The following MCAM variants were observed in gnomAD, a reference collection of about 807,000 sequenced individuals.
The protein encoded by MCAM is melanoma cell adhesion molecule.
In MCAM, 55 loss-of-function variants were observed where a neutral mutation model predicts 79.1. The observed-to-expected ratio is 0.70, with a 90% confidence interval of 0.56 to 0.87. The LOEUF (loss-of-function observed/expected upper bound fraction) is 0.87, where lower values mean the gene tolerates loss of function less well. Ranked by LOEUF, MCAM falls within the 40% of genes least tolerant of loss-of-function variation. MCAM has a pLI of 0.00. For synonymous variants in MCAM, 330 were observed against 339.8 expected, an observed-to-expected ratio of 0.97 and a Z score of 0.32; for missense variants, 745 against 839.8, an observed-to-expected ratio of 0.89 and a Z score of 1.40.
chr11:119,309,752 C>T lies in MCAM; in HGVS notation c.*134G>A, dbSNP rs1329370473. ...GGTCCTCAGGTCCTAACCCAGTGGC[C>T]CTCTGAAAGGGGGTGTGCAGGCGAG... is the stretch of plus-strand genomic sequence containing the variant. On this transcript the variant is annotated 3_prime_UTR_variant, in exon 16 of 16. Transcript: ENST00000264036. The T allele has an allele frequency of 2.2e-6, 2 of 917,182 alleles. No individual in the cohort carries two copies. Among genetic ancestry groups the T allele is most frequent in the Non-Finnish European group, 3.4e-6 (2 of 586,280 alleles). The allele number at this position is 917,182 out of a possible 1,614,324, so 56.8% of individuals were successfully genotyped here.
chr11:119,309,783 C>T lies in MCAM; in HGVS notation c.*103G>A. Reference sequence around the variant, plus strand: ...AAAGGGGGTGTGCAGGCGAGGGGAGCAGGAGGCTTCTCTCTAGTCCCTTTG... The same window carrying T: ...AAAGGGGGTGTGCAGGCGAGGGGAGTAGGAGGCTTCTCTCTAGTCCCTTTG... On this transcript the variant is annotated 3_prime_UTR_variant, in exon 16 of 16. Coordinates refer to ENST00000264036, the MANE Select transcript of MCAM (RefSeq NM_006500.3). 8.2e-7 allele frequency: 1 copy of T among 1,215,200 alleles called. No homozygotes were observed. The highest frequency in any genetic ancestry group is 1.2e-6 in the Non-Finnish European group (1 of 842,634). 75.3% of individuals were successfully genotyped at this position (1,215,200 alleles called of 1,614,324 possible).
Position 119,311,895 on chromosome 11 carries a change from C to G in MCAM, c.1198G>C (p.Glu400Gln). The change falls in exon 10 of 16, where the codon GAG (glutamate) becomes CAG (glutamine). Residue 400 changes from glutamate to glutamine, a missense_variant. Physicochemically the swap from Glu to Gln is conservative, Grantham distance 29. Transcript: ENST00000264036. This position sits in a 1 kb window ranked among gnomAD's most constrained non-coding sequence, Gnocchi z 4.4. ...ACGCAGCGATAGCCGCCTCCTGCCT[C>G]CCGTTTCAGGTCATGCAACTGAAGC... ...PVLQLHDLKR[E>Q]AGGGYRCVAS... 6.2e-7 allele frequency: 1 copy of G among 1,614,110 alleles called. No individual in the cohort carries two copies. The highest frequency in any genetic ancestry group is 8.5e-7 in the Non-Finnish European group (1 of 1,180,016).
chr11:119,310,691 C>G, intron 14 of MCAM, 65 bp downstream of exon 14: 2 of 1,553,520 alleles, frequency 1.3e-6, no homozygotes, highest in South Asian at 2.4e-5. Context: ...GGCAGGCGGG[C>G]GCTGGGCAGG....
chr11:119,310,785 C>T lies in MCAM; in HGVS notation c.1764G>A (p.Leu588=), dbSNP rs752222625. ...VLYFLYKKGK[L]PCRRSGKQEI... is the part of the protein sequence containing the mutation. The stretch of plus-strand genomic sequence containing the variant: ...CCTGCTTCCCTGAGCGCCTGCACGG[C>T]AGCTTGCCCTTCTTATAGAGGAAAT... The change falls in exon 14 of 16, where the codon CTG becomes CTA. Residue 588 remains leucine, a synonymous_variant. Coordinates refer to ENST00000264036, the MANE Select transcript of MCAM (RefSeq NM_006500.3). The T allele has an allele frequency of 6.2e-7, 1 of 1,614,108 alleles. No individual in the cohort carries two copies. Among genetic ancestry groups the T allele is most frequent in the Non-Finnish European group, 8.5e-7 (1 of 1,180,026 alleles).
In MCAM at chr11:119,309,079, C is replaced by T. The variant is rs1053135575; in HGVS notation, c.*807G>A. The T allele has an allele frequency of 2.0e-4, 30 of 152,246 alleles. No individual in the cohort carries two copies. Among genetic ancestry groups the T allele is most frequent in the Admixed American group, 1.8e-3 (27 of 15,304 alleles). The allele number at this position is 152,246 out of a possible 1,614,324, so 9.4% of individuals were successfully genotyped here. A position where few individuals can be genotyped will look rare whatever the true frequency, so the allele number is the denominator to read the frequency against. The stretch of plus-strand genomic sequence containing the variant: ...CTCCACCTCCTGGATTCATACCATT[C>T]TCCTGCTTCAGCCTTCCGAGTAGCT... On this transcript the variant is annotated 3_prime_UTR_variant, in exon 16 of 16. Transcript: ENST00000264036.
rs943859566 is a variant in MCAM, at chr11:119,316,263, G to A, written c.67+772C>T. The stretch of plus-strand genomic sequence containing the variant: ...CGGACAGCGGCTGGGACGGCGGAAT[G>A]GGAGCCAAGAGAAACACGCGACACC... On this transcript the variant is annotated intron_variant, in intron 1 of 15. Coordinates refer to ENST00000264036, the MANE Select transcript of MCAM (RefSeq NM_006500.3). This position sits in a 1 kb window ranked among gnomAD's most constrained non-coding sequence, Gnocchi z 4.8. 6.6e-6 allele frequency: 1 copy of A among 152,304 alleles called. No homozygotes were observed. The highest frequency in any genetic ancestry group is 2.4e-5 in the African/African-American group (1 of 41,468). 9.4% of individuals were successfully genotyped at this position (152,304 alleles called of 1,614,324 possible). A position where few individuals can be genotyped will look rare whatever the true frequency, so the allele number is the denominator to read the frequency against.
At chr11:119,310,970 C>G in intron 13 of MCAM, 67 bp from the exon 14 acceptor site, 1 of 1,613,748 alleles carries the variant, frequency 6.2e-7, no homozygotes, top group South Asian at 1.1e-5. Flanking sequence ...GTTGGCCCAG[C>G]CAGTCCAGGG....
chr11:119,316,347 G>A lies in MCAM; in HGVS notation c.67+688C>T, dbSNP rs1354725544. Among the ~76,000 whole-genome samples, 1 of 152,212 alleles carries A rather than the reference G, an allele frequency of 6.6e-6. No individual in the cohort carries two copies. The highest frequency in any genetic ancestry group is 1.5e-5 in the Non-Finnish European group (1 of 68,024). The stretch of plus-strand genomic sequence containing the variant: ...GAGCGCCCTGCTACCAGGCGGATCC[G>A]GAGAAACGCTCCGAGGTGCCCGGGC... On this transcript the variant is annotated intron_variant, in intron 1 of 15. Coordinates refer to ENST00000264036, the MANE Select transcript of MCAM (RefSeq NM_006500.3). The surrounding 1 kb of genome is among the most constrained non-coding windows in gnomAD (Gnocchi z 4.8).
In MCAM at chr11:119,312,442, G is replaced by C; in HGVS notation, c.862-14C>G. On this transcript the variant is annotated splice_polypyrimidine_tract_variant and intron_variant, in intron 7 of 15. Coordinates refer to ENST00000264036, the MANE Select transcript of MCAM (RefSeq NM_006500.3). The surrounding 1 kb of genome is among the most constrained non-coding windows in gnomAD (Gnocchi z 4.9). ...GGTGCTGGGGTTCTAGGGAGGATTG[G>C]GGAGGTGAGCAGAGTGCACCTCCCG... 1 of 1,613,384 alleles carries C rather than the reference G, an allele frequency of 6.2e-7. No homozygotes were observed. The highest frequency in any genetic ancestry group is 1.1e-5 in the South Asian group (1 of 91,042).
At chr11:119,310,980 G>A (rs1444850129) in intron 13 of MCAM, 77 bp from the exon 14 acceptor site, 1 of 1,613,608 alleles carries the variant, frequency 6.2e-7, no homozygotes, top group African/African-American at 1.3e-5. Context: ...CCAGTCCAGG[G>A]CCGACAAGAT....
intron 5 of MCAM, 106 bp from the exon 6 acceptor site, chr11:119,313,055 TC>T (rs775181638): frequency 1.3e-6 from 2 of 1,572,586 alleles, no homozygotes; most frequent in East Asian, 2.3e-5. Context: ...TAGCCCCCTG[TC>T]CCCTGTAGAA....
Position 119,312,402 on chromosome 11 carries a change from T to C in MCAM, c.888A>G (p.Glu296=), listed in dbSNP as rs776509894. ...KQNPSTREAE[E]ETTNDNGVLV... Reference sequence around the variant, plus strand: ...GGACCCCGTTGTCGTTGGTTGTCTCTTCCTCTGCCTCCCTGGTGCTGGGGT... The same window carrying C: ...GGACCCCGTTGTCGTTGGTTGTCTCCTCCTCTGCCTCCCTGGTGCTGGGGT... The change falls in exon 8 of 16, where the codon GAA becomes GAG. Residue 296 remains glutamate (E), a synonymous_variant. Transcript: ENST00000264036. The surrounding 1 kb of genome is among the most constrained non-coding windows in gnomAD (Gnocchi z 4.9). 4.3e-5 allele frequency: 69 copies of C among 1,613,694 alleles called. No individual in the cohort carries two copies. In the East Asian group the frequency reaches 1.5e-3, roughly 35 times the overall value.
Position 119,316,987 on chromosome 11 carries a change from C to T in MCAM, c.67+48G>A, listed in dbSNP as rs750250324. The stretch of plus-strand genomic sequence containing the variant: ...GCTGGCTCTGCTCCCTGGCACGCTC[C>T]ACCGCAGACCCCTAGCCGGGGCGCG... On this transcript the variant is annotated intron_variant, in intron 1 of 15. Transcript: ENST00000264036. This position sits in a 1 kb window ranked among gnomAD's most constrained non-coding sequence, Gnocchi z 4.8. 1 of 1,480,170 alleles carries T rather than the reference C, an allele frequency of 6.8e-7. No individual in the cohort carries two copies. The highest frequency in any genetic ancestry group is 1.2e-5 in the South Asian group (1 of 81,870). The allele number at this position is 1,480,170 out of a possible 1,614,324, so 91.7% of individuals were successfully genotyped here. A position where few individuals can be genotyped will look rare whatever the true frequency, so the allele number is the denominator to read the frequency against.
rs1950308157 is a variant in MCAM, at chr11:119,316,108, C to T, written c.68-845G>A. The T allele has an allele frequency of 6.5e-6, 1 of 152,724 alleles. No homozygotes were observed. Among genetic ancestry groups the T allele is most frequent in the Non-Finnish European group, 1.5e-5 (1 of 68,462 alleles). 9.5% of individuals were successfully genotyped at this position (152,724 alleles called of 1,614,324 possible). ...AGCTGGACCGGCTGCAACTGTGGAGCCCGATTTAGCCCTTTCCCCAGAAAT... is the reference window on the plus strand; with the variant it reads ...AGCTGGACCGGCTGCAACTGTGGAGTCCGATTTAGCCCTTTCCCCAGAAAT... On this transcript the variant is annotated intron_variant, in intron 1 of 15. Transcript: ENST00000264036. The surrounding 1 kb of genome is among the most constrained non-coding windows in gnomAD (Gnocchi z 4.8).
rs200431291 is a variant in MCAM at position 119,310,817 on chromosome 11, C to T, written c.1732G>A (p.Val578Ile). The T allele has an allele frequency of 3.6e-5, 58 of 1,614,196 alleles. No individual in the cohort carries two copies. The highest frequency in any genetic ancestry group is 4.8e-5 in the Non-Finnish European group (57 of 1,180,036). ...CILVLAVLGAVLYFLYKKGKL... is the reference protein window; with the variant it reads ...CILVLAVLGAILYFLYKKGKL... ...CCCTTCTTATAGAGGAAATAGAGGA[C>T]AGCGCCCAGCACCGCCAGGACCAGG... Residue 578 changes from valine (V) to isoleucine (I), a missense_variant, in exon 14 of 16, where the codon GTC becomes ATC. Physicochemically the swap from Val to Ile is conservative, Grantham distance 29. Coordinates refer to ENST00000264036, the MANE Select transcript of MCAM (RefSeq NM_006500.3).
chr11:119,314,650 C>G, intron 4 of MCAM, 29 bp downstream of exon 4: 4 of 1,612,508 alleles, frequency 2.5e-6, no homozygotes, highest in Non-Finnish European at 3.4e-6. Flanking sequence ...TGCGCACCAG[C>G]TGCCCAGCCC....
rs763110823 is a variant in MCAM, at chr11:119,310,333, A to C, written c.1911+16T>G. 2.6e-6 allele frequency: 4 copies of C among 1,559,286 alleles called. No individual in the cohort carries two copies. The East Asian group carries it at 9.0e-5, about 35-fold the overall frequency. ...TGAGGATGTGGCAGGCTCTGGCCAC[A>C]GGAACCGCCTCCTACCTGGTCTCCC... is the stretch of plus-strand genomic sequence containing the variant. On this transcript the variant is annotated intron_variant, in intron 15 of 15. Coordinates refer to ENST00000264036, the MANE Select transcript of MCAM (RefSeq NM_006500.3).
At position 119,317,022 on chromosome 11, in the gene MCAM, C is replaced by T. The variant is rs927659206; in HGVS notation, c.67+13G>A. ...CCCTAGCCGGGGCGCGGCCCCCCTG[C>T]GAGCGAACTCACCCGCGACGCGAGG... On this transcript the variant is annotated intron_variant, in intron 1 of 15. Transcript: ENST00000264036. This position sits in a 1 kb window ranked among gnomAD's most constrained non-coding sequence, Gnocchi z 6.2. 2.6e-6 allele frequency: 4 copies of T among 1,529,578 alleles called. No homozygotes were observed. 94.8% of individuals were successfully genotyped at this position (1,529,578 alleles called of 1,614,324 possible).
chr11:119,315,145 C>T lies in MCAM; in HGVS notation c.186G>A (p.Trp62Ter). 1 of 1,613,528 alleles carries T rather than the reference C, an allele frequency of 6.2e-7. No homozygotes were observed. Among genetic ancestry groups the T allele is most frequent in the Non-Finnish European group, 8.5e-7 (1 of 1,180,004 alleles). ...CAGGAGCCCAAGCACTCACAGAAAA[C>T]CAGTCGACATGGCTGAGGTTGCCTT... ...QSQGNLSHVD[W>*]FSVHKEKRTL... The change falls in exon 2 of 16, where the codon TGG becomes TGA. Residue 62 changes from tryptophan to a stop codon, truncating the protein, a stop_gained. Transcript: ENST00000264036. LOFTEE classifies it high-confidence loss of function. This position sits in a 1 kb window ranked among gnomAD's most constrained non-coding sequence, Gnocchi z 4.4.
Sources: allele counts gnomAD v4.1 joint callset (sites outside exome capture counted in the v4.1 genomes callset), GRCh38; gene constraint gnomAD v4.1.1; non-coding constraint Gnocchi (gnomAD v3.1); transcripts MANE v1.5; gene names NCBI Gene and HGNC (gene_info 2026-07-23, HGNC 2026-07-21).